The following SPIDR variants were observed in gnomAD, a reference collection of about 807,000 sequenced individuals.
SPIDR encodes the protein DNA repair-scaffolding protein.
A neutral mutation model predicts 104.6 loss-of-function variants in SPIDR; 93 were observed. That is an observed-to-expected ratio of 0.89 (90% CI 0.75 to 1.06). The LOEUF (loss-of-function observed/expected upper bound fraction) is 1.06, where lower values mean the gene tolerates loss of function less well. Ranked by LOEUF, SPIDR falls within the 50% of genes least tolerant of loss-of-function variation. The pLI is 0.00. For missense variants in SPIDR, 1,154 were observed against 1,111.2 expected (o/e 1.04, Z -0.55); for synonymous variants, 431 against 416.9 (o/e 1.03, Z -0.41).
chr8:47,305,589 G>C (rs2042961546), intron 5 of SPIDR, among the ~76,000 whole-genome samples: 1 of 152,176 alleles, frequency 6.6e-6, no homozygotes, highest in Non-Finnish European at 1.5e-5. Flanking sequence ...TAATCTTGCA[G>C]AAAGTGATCT....
chr8:47,496,604 G>A (rs190784158), intron 8 of SPIDR, among the ~76,000 whole-genome samples: 10 of 151,956 alleles, frequency 6.6e-5, no homozygotes, highest in Admixed American at 6.6e-4. Context: ...CTCACATTTT[G>A]TGAGAGTTTT....
intron 8 of SPIDR, among the ~76,000 whole-genome samples, chr8:47,557,993 G>A (rs1051580572): frequency 4.6e-5 from 7 of 152,160 alleles, no homozygotes; most frequent in African/African-American, 1.7e-4. Context: ...GAAATCGATG[G>A]CCTTTGCAGG....
intron 10 of SPIDR, among the ~76,000 whole-genome samples, chr8:47,631,656 T>C (rs992991262): frequency 6.6e-6 from 1 of 152,244 alleles, no homozygotes; most frequent in African/African-American, 2.4e-5. Flanking sequence ...TAAAGAATTC[T>C]TATTTGACTC....
At chr8:47,602,654 G>A (rs2062436558) in intron 10 of SPIDR, among the ~76,000 whole-genome samples, 1 of 152,156 alleles carries the variant, frequency 6.6e-6, no homozygotes, top group Non-Finnish European at 1.5e-5. Context: ...GTCAATCTCA[G>A]TCTGTTCCCA....
chr8:47,503,507 G>A (rs930169967), intron 8 of SPIDR, among the ~76,000 whole-genome samples: 1 of 150,696 alleles, frequency 6.6e-6, no homozygotes, highest in Non-Finnish European at 1.5e-5. Flanking sequence ...TCCTCCATCC[G>A]TTTATTTTGA....
At chr8:47,638,828 C>A (rs991844092) in intron 10 of SPIDR, among the ~76,000 whole-genome samples, 1 of 152,194 alleles carries the variant, frequency 6.6e-6, no homozygotes, top group Non-Finnish European at 1.5e-5. Flanking sequence ...TATCTCCTCT[C>A]CAGGCTTCTT....
chr8:47,403,955 A>G (rs2062317378), intron 6 of SPIDR, among the ~76,000 whole-genome samples: 1 of 152,240 alleles, frequency 6.6e-6, no homozygotes, highest in African/African-American at 2.4e-5. Context: ...AAACTATACT[A>G]CAAAGCTACA....
At chr8:47,607,951 AT>A (rs2063160893) in intron 10 of SPIDR, among the ~76,000 whole-genome samples, 1 of 149,682 alleles carries the variant, frequency 6.7e-6, no homozygotes, top group African/African-American at 2.6e-5. Context: ...AAAGAGCTTT[AT>A]TGATACATAA....
intron 10 of SPIDR, among the ~76,000 whole-genome samples, chr8:47,634,618 G>A (rs1358695369): frequency 6.6e-6 from 1 of 152,084 alleles, no homozygotes. Flanking sequence ...TTTTTTTAGC[G>A]TCATGCACTG....
chr8:47,608,257 T>C (rs1031117842), intron 10 of SPIDR, among the ~76,000 whole-genome samples: 2 of 152,246 alleles, frequency 1.3e-5, no homozygotes, highest in African/African-American at 4.8e-5. Context: ...TTATCCATGT[T>C]GTGACATGTT....
chr8:47,455,798 A>G (rs1019656511), intron 8 of SPIDR, among the ~76,000 whole-genome samples: 9 of 152,196 alleles, frequency 5.9e-5, no homozygotes, highest in Non-Finnish European at 1.3e-4. Context: ...TTAACACAGC[A>G]AAAACATAAA....
chr8:47,327,120 C>A (rs1407116058), intron 5 of SPIDR, among the ~76,000 whole-genome samples: 2 of 151,940 alleles, frequency 1.3e-5, no homozygotes, highest in Non-Finnish European at 2.9e-5. Context: ...GTCTCTTCTA[C>A]CCACTTAAAA....
chr8:47,451,153 A>G (rs923115337), intron 8 of SPIDR, among the ~76,000 whole-genome samples: 7 of 152,222 alleles, frequency 4.6e-5, no homozygotes, highest in African/African-American at 1.7e-4. Flanking sequence ...GTTAAAGGGA[A>G]CCCATAGATA....
At chr8:47,631,796 C>G (rs2067110399) in intron 10 of SPIDR, among the ~76,000 whole-genome samples, 1 of 152,188 alleles carries the variant, frequency 6.6e-6, no homozygotes, top group Non-Finnish European at 1.5e-5. Context: ...CAAATTAAGT[C>G]TTTCTAATGA....
At chr8:47,546,753 ATTATTT>A (rs1304578448) in intron 8 of SPIDR, 9 of 172,980 alleles carry the variant, frequency 5.2e-5, no homozygotes, top group Non-Finnish European at 7.3e-5. Context: ...ATTATGCCAC[ATTATTT>A]TTAATTATGT....
chr8:47,711,885 A>G (rs967979110), intron 14 of SPIDR, among the ~76,000 whole-genome samples: 1 of 151,942 alleles, frequency 6.6e-6, no homozygotes, highest in Non-Finnish European at 1.5e-5. Flanking sequence ...CTTCACCCCA[A>G]CCCTCAGCTA....
intron 8 of SPIDR, among the ~76,000 whole-genome samples, chr8:47,493,665 G>A (rs971096025): frequency 6.6e-6 from 1 of 152,200 alleles, no homozygotes; most frequent in African/African-American, 2.4e-5. Flanking sequence ...GCAGGGCTTA[G>A]ATGATGAGAA....
At chr8:47,601,155 A>G (rs1280599511) in intron 10 of SPIDR, among the ~76,000 whole-genome samples, 5 of 152,366 alleles carry the variant, frequency 3.3e-5, no homozygotes, top group East Asian at 1.9e-4. Flanking sequence ...AAGGCCAGGC[A>G]TGAACTTCAA....
intron 5 of SPIDR, among the ~76,000 whole-genome samples, chr8:47,352,495 A>G (rs1469993908): frequency 6.6e-6 from 1 of 152,092 alleles, no homozygotes; most frequent in African/African-American, 2.4e-5. Context: ...GAAAACTACA[A>G]TGTTGAGGGG....
Sources: gnomAD v4.1 joint callset for allele counts (sites outside exome capture counted in the v4.1 genomes callset) on GRCh38, gnomAD v4.1.1 for gene constraint, MANE v1.5 for transcripts, NCBI Gene and HGNC (gene_info 2026-07-23, HGNC 2026-07-21) for gene names.